AGBL1: variants seen among roughly 807,000 people sequenced by gnomAD.
AGBL1 encodes the protein cytosolic carboxypeptidase 4.
In AGBL1, 130 loss-of-function variants were observed where a neutral mutation model predicts 118.9. The ratio of observed to expected loss-of-function variants is 1.09; its 90% CI spans 0.95 to 1.26. The LOEUF is 1.26. AGBL1 is among the 50% of genes most tolerant of loss of function. The probability of loss-of-function intolerance (pLI) is 0.00; values close to 1 mark genes in which losing one functional copy is unlikely to be tolerated. For synonymous variants in AGBL1, 555 were observed against 478.9 expected (o/e 1.16, Z -2.08); for missense variants, 1,584 against 1,298.1 (o/e 1.22, Z -3.38).
At chr15:86,526,729 T>C (rs969644104) in intron 19 of AGBL1, among the ~76,000 whole-genome samples, 1 of 151,852 alleles carries the variant, frequency 6.6e-6, no homozygotes, top group Non-Finnish European at 1.5e-5. Flanking sequence ...TGAATGGAAC[T>C]GGAGGCCATT....
chr15:86,260,695 T>C (rs1350655626), intron 9 of AGBL1, among the ~76,000 whole-genome samples: 1 of 152,202 alleles, frequency 6.6e-6, no homozygotes, highest in Non-Finnish European at 1.5e-5. Flanking sequence ...TTTGTCCTTA[T>C]TAAGTGTTCT....
At chr15:86,084,321 A>G (rs1375472836) in intron 1 of AGBL1, among the ~76,000 whole-genome samples, 10 of 152,170 alleles carry the variant, frequency 6.6e-5, no homozygotes, top group Non-Finnish European at 4.4e-5. Context: ...ATTTCTTGGA[A>G]TTAGAGATTG....
intron 1 of AGBL1, among the ~76,000 whole-genome samples, chr15:86,127,559 A>T (rs1029925647): frequency 6.6e-6 from 1 of 152,088 alleles, no homozygotes; most frequent in Admixed American, 6.5e-5. Flanking sequence ...GGCCGAGGGC[A>T]CGTGGGAAAT....
chr15:86,666,962 A>G (rs1374080902), intron 21 of AGBL1, among the ~76,000 whole-genome samples: 1 of 152,088 alleles, frequency 6.6e-6, no homozygotes, highest in African/African-American at 2.4e-5. Flanking sequence ...GTTTACAGAG[A>G]ATCCTGGTGG....
At chr15:86,808,897 TC>T (rs1457557330) in intron 22 of AGBL1, among the ~76,000 whole-genome samples, 3 of 152,088 alleles carry the variant, frequency 2.0e-5, no homozygotes, top group Non-Finnish European at 1.5e-5. Flanking sequence ...TCTCTTTTTT[TC>T]TGAATAATTT....
At chr15:86,841,236 C>A (rs2079240718) in intron 22 of AGBL1, among the ~76,000 whole-genome samples, 1 of 152,072 alleles carries the variant, frequency 6.6e-6, no homozygotes, top group African/African-American at 2.4e-5. Context: ...TTGCTGAGAC[C>A]ACCCAGGCAT....
At chr15:86,247,403 G>C (rs1272862861) in intron 6 of AGBL1, among the ~76,000 whole-genome samples, 4 of 152,130 alleles carry the variant, frequency 2.6e-5, no homozygotes, top group Non-Finnish European at 5.9e-5. Flanking sequence ...GATCCAACTT[G>C]GGTTATGCAT....
At chr15:86,210,469 G>T (rs919921581) in intron 5 of AGBL1, among the ~76,000 whole-genome samples, 1 of 152,042 alleles carries the variant, frequency 6.6e-6, no homozygotes, top group Non-Finnish European at 1.5e-5. Context: ...ATGTATATTT[G>T]GTCTTTCCCA....
At chr15:86,744,349 C>T (rs1292887862) in intron 22 of AGBL1, among the ~76,000 whole-genome samples, 5 of 152,026 alleles carry the variant, frequency 3.3e-5, no homozygotes, top group East Asian at 3.9e-4. Context: ...TTGTTTGTCC[C>T]GGCCTACCCC....
intron 22 of AGBL1, among the ~76,000 whole-genome samples, chr15:86,878,503 G>A (rs45503091): frequency 0.18 from 27,971 of 152,092 alleles, 2,945 homozygotes; most frequent in Non-Finnish European, 0.23. Flanking sequence ...TCATGGCCCA[G>A]TGCGGGTGCT....
At chr15:86,391,320 A>G (rs1481570117) in intron 17 of AGBL1, among the ~76,000 whole-genome samples, 1 of 152,144 alleles carries the variant, frequency 6.6e-6, no homozygotes, top group African/African-American at 2.4e-5. Flanking sequence ...AATGCATAAA[A>G]TGTGCATAGT....
intron 21 of AGBL1, among the ~76,000 whole-genome samples, chr15:86,596,487 T>A (rs184480921): frequency 2.6e-4 from 39 of 152,318 alleles, no homozygotes; most frequent in African/African-American, 8.4e-4. Context: ...AGAGGGCCCT[T>A]GGGCCCCACA....
At chr15:86,648,141 T>A (rs1441937517) in intron 21 of AGBL1, among the ~76,000 whole-genome samples, 1 of 152,198 alleles carries the variant, frequency 6.6e-6, no homozygotes, top group Admixed American at 6.5e-5. Context: ...TGGCATAATC[T>A]GACTTACATT....
Position 86,596,209 on chromosome 15 carries a change from G to A in AGBL1, c.2994+41672G>A, listed in dbSNP as rs143634600. Among the ~76,000 whole-genome samples, 532 of 152,194 alleles carry A rather than the reference G, an allele frequency of 3.5e-3. 4 individuals are homozygous for A. The highest frequency in any genetic ancestry group is 0.011 in the African/African-American group (447 of 41,526). ...TGTAGTCCCAGCTACTCAGGAGGTC[G>A]AGGTGGGAGGATTGCATGAGCCCTC... On this transcript the variant is annotated intron_variant, in intron 21 of 22. Transcript: ENST00000614907.
chr15:86,254,799 C>T (rs1490110540), intron 7 of AGBL1, among the ~76,000 whole-genome samples: 1 of 152,176 alleles, frequency 6.6e-6, no homozygotes, highest in African/African-American at 2.4e-5. Flanking sequence ...TGCACAGCAC[C>T]TTTCCATCAG....
At chr15:86,869,349 C>A (rs1442372857) in intron 22 of AGBL1, among the ~76,000 whole-genome samples, 1 of 152,148 alleles carries the variant, frequency 6.6e-6, no homozygotes, top group Non-Finnish European at 1.5e-5. Context: ...GAGAATCCAG[C>A]TGCAGGTCTC....
In AGBL1 at chr15:86,119,431, A is replaced by T. The variant is rs372452251; in HGVS notation, c.52-22573A>T. 1.1e-4 allele frequency among the ~76,000 whole-genome samples: 17 copies of T among 152,136 alleles called. No homozygotes were observed. In the South Asian group the frequency reaches 2.9e-3, roughly 26 times the overall value. ...CTCTCAACTATCCCCACATCCTGCA[A>T]ATACTGCCAACGGTTGCTGAGTTCA... On this transcript the variant is annotated intron_variant, in intron 1 of 22. Transcript: ENST00000614907.
chr15:86,841,750 C>T (rs181202345), intron 22 of AGBL1, among the ~76,000 whole-genome samples: 127 of 152,050 alleles, frequency 8.4e-4, no homozygotes, highest in African/African-American at 2.9e-3. Flanking sequence ...GGGAGGCTGA[C>T]GCAGGAGAAT....
chr15:86,121,184 C>T (rs781035185), intron 1 of AGBL1, among the ~76,000 whole-genome samples: 25 of 152,166 alleles, frequency 1.6e-4, no homozygotes, highest in Non-Finnish European at 2.9e-4. Context: ...AGGTGTGAAC[C>T]GCTGTGCCTG....
Sources: gnomAD v4.1 joint callset for allele counts (sites outside exome capture counted in the v4.1 genomes callset) on GRCh38, gnomAD v4.1.1 for gene constraint, MANE v1.5 for transcripts, NCBI Gene and HGNC (gene_info 2026-07-23, HGNC 2026-07-21) for gene names.